Variants in GINS1 observed in about 807,000 individuals in gnomAD.
The protein encoded by GINS1 is GINS complex subunit 1.
GINS1 carries 26 observed loss-of-function variants against 34.9 expected under a neutral mutation model. That is an observed-to-expected ratio of 0.74 (90% CI 0.55 to 1.03). The LOEUF is 1.03. GINS1 is among the 50% of genes least tolerant of loss of function. The probability of loss-of-function intolerance (pLI) is 0.00; values close to 1 mark genes in which losing one functional copy is unlikely to be tolerated. For missense variants in GINS1, 235 were observed against 237.9 expected (o/e 0.99, Z 0.08); for synonymous variants, 97 against 84.4 (o/e 1.15, Z -0.82).
In GINS1 at chr20:25,435,764, C is replaced by CAA. The variant is rs1220652491; in HGVS notation, c.448-5915_448-5914dup. On this transcript the variant is annotated intron_variant, in intron 5 of 6. Coordinates refer to ENST00000262460, the MANE Select transcript of GINS1 (RefSeq NM_021067.5). ...CGGGCAACAGAGTGAGATTCCGTCTCAAAAAAAAAAAAAAAAAAAAAAAAC... is the reference window on the plus strand; with the variant it reads ...CGGGCAACAGAGTGAGATTCCGTCTCAAAAAAAAAAAAAAAAAAAAAAAAAAC... Among the ~76,000 whole-genome samples, 87 of 60,424 alleles carry CAA rather than the reference C, an allele frequency of 1.4e-3. 1 individual carries two copies. The highest frequency in any genetic ancestry group is 5.2e-3 in the East Asian group (3 of 576). The allele number at this position is 60,424 out of a possible 152,430, so 39.6% of individuals were successfully genotyped here.
chr20:25,417,076 T>C, intron 2 of GINS1, 28 bp from the exon 3 acceptor site: 2 of 1,019,294 alleles, frequency 2.0e-6, no homozygotes, highest in Non-Finnish European at 3.1e-6. Flanking sequence ...AAGTACATAT[T>C]TTTTTTCTTT....
intron 5 of GINS1, among the ~76,000 whole-genome samples, chr20:25,441,333 T>C (rs552679585): frequency 5.3e-5 from 8 of 152,330 alleles, no homozygotes; most frequent in African/African-American, 1.7e-4. Context: ...CAGATACTGA[T>C]ATTTTATGGG....
chr20:25,408,407 C>T (rs897595208), intron 1 of GINS1, among the ~76,000 whole-genome samples: 3 of 152,180 alleles, frequency 2.0e-5, no homozygotes, highest in Admixed American at 2.0e-4. Flanking sequence ...GCATATGCCT[C>T]ACATACAGTA....
rs58516834 is a variant in GINS1, at chr20:25,442,559, A to C, written c.522+783A>C. Among the ~76,000 whole-genome samples the C allele has an allele frequency of 1.2e-3, 180 of 151,814 alleles. 1 individual carries two copies. The highest frequency in any genetic ancestry group is 4.1e-3 in the African/African-American group (170 of 41,424). On this transcript the variant is annotated intron_variant, in intron 6 of 6. Coordinates refer to ENST00000262460, the MANE Select transcript of GINS1 (RefSeq NM_021067.5). ...TAATTATTTCCCTAGAAATCTTCAT[A>C]TTCACATTAGATGAATTCACGTTAA...
At chr20:25,432,423 C>T (rs1600937654) in intron 5 of GINS1, among the ~76,000 whole-genome samples, 1 of 152,052 alleles carries the variant, frequency 6.6e-6, no homozygotes, top group East Asian at 1.9e-4. Context: ...CTACCTTAGC[C>T]TCCCAAGTGG....
At chr20:25,425,349 G>T in intron 5 of GINS1, 22 bp downstream of exon 5, 1 of 966,690 alleles carries the variant, frequency 1.0e-6, no homozygotes, top group Non-Finnish European at 1.6e-6. Flanking sequence ...TTTTTAAAAT[G>T]CATTTTTCTT....
intron 5 of GINS1, among the ~76,000 whole-genome samples, chr20:25,438,309 G>C (rs1299553821): frequency 6.6e-6 from 1 of 151,854 alleles, no homozygotes; most frequent in East Asian, 1.9e-4. Flanking sequence ...AACTGAGCAT[G>C]AAACATCTTG....
chr20:25,417,177 A>C lies in GINS1; in HGVS notation c.214A>C (p.Asn72His). ...ATTTCGACACTGTTCTCTGTTAAGAAATCGACGCTGCACTGTAGCATACCT... is the reference window on the plus strand; with the variant it reads ...ATTTCGACACTGTTCTCTGTTAAGACATCGACGCTGCACTGTAGCATACCT... ...IKFRHCSLLRNRRCTVAYLYD... is the reference protein window; with the variant it reads ...IKFRHCSLLRHRRCTVAYLYD... Residue 72 changes from asparagine (N) to histidine (H), a missense_variant, in exon 3 of 7, where the codon AAT (asparagine) becomes CAT (histidine). Transcript: ENST00000262460. 6.3e-7 allele frequency: 1 copy of C among 1,581,084 alleles called. No homozygotes were observed. The highest frequency in any genetic ancestry group is 8.7e-7 in the Non-Finnish European group (1 of 1,150,442).
At chr20:25,415,992 A>C (rs1371159746) in intron 2 of GINS1, among the ~76,000 whole-genome samples, 1 of 152,086 alleles carries the variant, frequency 6.6e-6, no homozygotes, top group East Asian at 1.9e-4. Flanking sequence ...CATGGAAGAG[A>C]ATGGGGCACT....
chr20:25,414,239 T>C (rs1270157744), intron 2 of GINS1, among the ~76,000 whole-genome samples: 2 of 149,864 alleles, frequency 1.3e-5, no homozygotes, highest in African/African-American at 4.9e-5. Flanking sequence ...AACCTTGCAT[T>C]AGTTTTGGGA....
At chr20:25,418,273 T>C in intron 4 of GINS1, 78 bp downstream of exon 4, 1 of 876,872 alleles carries the variant, frequency 1.1e-6, no homozygotes, top group Non-Finnish European at 1.9e-6. Flanking sequence ...TGTTTATTGG[T>C]ATTCCTCTTT....
intron 5 of GINS1, 146 bp from the exon 6 acceptor site, chr20:25,441,556 C>T (rs2090482080): frequency 2.1e-6 from 1 of 483,712 alleles, no homozygotes; most frequent in South Asian, 3.9e-5. Flanking sequence ...ATTAGAATAC[C>T]ACAATAGTAG....
chr20:25,412,848 C>T (rs923843421), intron 1 of GINS1, among the ~76,000 whole-genome samples: 5 of 152,104 alleles, frequency 3.3e-5, no homozygotes. Flanking sequence ...TGTAACTTTG[C>T]CCCCCTTTTG....
chr20:25,436,243 C>G lies in GINS1; in HGVS notation c.448-5459C>G, dbSNP rs1287099588. On this transcript the variant is annotated intron_variant, in intron 5 of 6. Transcript: ENST00000262460. ...GCTGAGATTATAGGTGTGAGCCACCCTGCCCAGCCCTCTCTTGCTGCTTTC... is the reference window on the plus strand; with the variant it reads ...GCTGAGATTATAGGTGTGAGCCACCGTGCCCAGCCCTCTCTTGCTGCTTTC... Among the ~76,000 whole-genome samples, 3 of 152,060 alleles carry G rather than the reference C, an allele frequency of 2.0e-5. No homozygotes were observed. The South Asian group carries it at 6.2e-4, about 32-fold the overall frequency.
At chr20:25,423,486 T>C (rs865800838) in intron 4 of GINS1, among the ~76,000 whole-genome samples, 3 of 92,546 alleles carry the variant, frequency 3.2e-5, no homozygotes, top group Middle Eastern at 0.016. Flanking sequence ...TTTTTTTTTT[T>C]GAGACGGCAT....
intron 2 of GINS1, among the ~76,000 whole-genome samples, chr20:25,414,700 TTAAAAA>T (rs1366851250): frequency 2.0e-5 from 3 of 152,070 alleles, no homozygotes; most frequent in Non-Finnish European, 2.9e-5. Flanking sequence ...ATCTCCATCT[TTAAAAA>T]TAATAAATAA....
At chr20:25,422,679 T>C (rs1376210042) in intron 4 of GINS1, among the ~76,000 whole-genome samples, 1 of 152,210 alleles carries the variant, frequency 6.6e-6, no homozygotes, top group Non-Finnish European at 1.5e-5. Flanking sequence ...GAACTTTATA[T>C]AGATTCATGC....
At position 25,417,163 on chromosome 20, in the gene GINS1, G is replaced by A; in HGVS notation, c.200G>A (p.Cys67Tyr). ...DLIPTIKFRH[C>Y]SLLRNRRCTV... ...ATACCAACTATCAAATTTCGACACT[G>A]TTCTCTGTTAAGAAATCGACGCTGC... Residue 67 changes from cysteine to tyrosine, a missense_variant, in exon 3 of 7, where the codon TGT becomes TAT. Physicochemically the swap from Cys to Tyr is radical, Grantham distance 194. Transcript: ENST00000262460. The A allele has an allele frequency of 1.9e-6, 3 of 1,600,610 alleles. No individual in the cohort carries two copies. The highest frequency in any genetic ancestry group is 2.6e-6 in the Non-Finnish European group (3 of 1,168,266).
intron 4 of GINS1, among the ~76,000 whole-genome samples, chr20:25,423,306 G>A (rs2090368084): frequency 6.6e-6 from 1 of 151,210 alleles, no homozygotes. Context: ...TGGAGGTGGG[G>A]TTTCACCATG....
Sources: gnomAD v4.1 joint callset for allele counts (sites outside exome capture counted in the v4.1 genomes callset) on GRCh38, gnomAD v4.1.1 for gene constraint, MANE v1.5 for transcripts, NCBI Gene and HGNC (gene_info 2026-07-23, HGNC 2026-07-21) for gene names.